Variants in SLC25A26 observed in about 807,000 individuals in gnomAD.
The protein encoded by SLC25A26 is mitochondrial S-adenosylmethionine carrier protein.
In SLC25A26, 36 loss-of-function variants were observed where a neutral mutation model predicts 37.8. That is an observed-to-expected ratio of 0.95 (90% CI 0.73 to 1.26). SLC25A26 has a LOEUF of 1.26. SLC25A26 is among the 50% of genes most tolerant of loss of function. The pLI is 0.00. For missense variants in SLC25A26, 390 were observed against 331.1 expected, an observed-to-expected ratio of 1.18 and a Z score of -1.38; for synonymous variants, 129 against 122.5, an observed-to-expected ratio of 1.05 and a Z score of -0.35.
upstream of SLC25A26, among the ~76,000 whole-genome samples, chr3:66,218,239 T>G (rs1243223568): frequency 6.6e-6 from 1 of 152,238 alleles, no homozygotes; most frequent in African/African-American, 2.4e-5. Flanking sequence ...TACCACCAGT[T>G]GATAGACATT....
At chr3:66,307,082 A>C (rs946403469) in intron 5 of SLC25A26, among the ~76,000 whole-genome samples, 1 of 152,158 alleles carries the variant, frequency 6.6e-6, no homozygotes, top group Non-Finnish European at 1.5e-5. Context: ...GAATTGCTGC[A>C]CTGTCTTCCA....
chr3:66,163,019 C>G (rs2070381108), intron 1 of SLC25A26, among the ~76,000 whole-genome samples: 1 of 152,178 alleles, frequency 6.6e-6, no homozygotes, highest in South Asian at 2.1e-4. Context: ...AGGAAATCAG[C>G]CTCCTTTCTG....
At chr3:66,217,294 G>C (rs1241910393), upstream of SLC25A26, among the ~76,000 whole-genome samples, 1 of 152,164 alleles carries the variant, frequency 6.6e-6, no homozygotes, top group Non-Finnish European at 1.5e-5. Context: ...AACATTAGTA[G>C]CTAGAAATAA....
chr3:66,311,410 T>G (rs2075373598), intron 5 of SLC25A26, among the ~76,000 whole-genome samples: 2 of 152,124 alleles, frequency 1.3e-5, no homozygotes, highest in Non-Finnish European at 2.9e-5. Flanking sequence ...ATCAAGGTTC[T>G]TAGCTTGCTT....
At chr3:66,358,031 C>T (rs2076616308) in intron 6 of SLC25A26, among the ~76,000 whole-genome samples, 1 of 152,068 alleles carries the variant, frequency 6.6e-6, no homozygotes, top group Non-Finnish European at 1.5e-5. Context: ...CAGTAAATCC[C>T]AACTAATATT....
chr3:66,309,575 T>C (rs1354334170), intron 5 of SLC25A26, among the ~76,000 whole-genome samples: 5 of 152,198 alleles, frequency 3.3e-5, no homozygotes, highest in Non-Finnish European at 7.3e-5. Flanking sequence ...CTTACTTCTC[T>C]AGTTCTTTTA....
intron 5 of SLC25A26, among the ~76,000 whole-genome samples, chr3:66,307,162 A>T (rs994856355): frequency 1.3e-5 from 2 of 152,188 alleles, no homozygotes; most frequent in African/African-American, 4.8e-5. Flanking sequence ...CCTCTCCAGC[A>T]TCTGTTGTTT....
chr3:66,296,966 C>G (rs760754416), intron 5 of SLC25A26, among the ~76,000 whole-genome samples: 1 of 152,178 alleles, frequency 6.6e-6, no homozygotes, highest in Non-Finnish European at 1.5e-5. Flanking sequence ...AGCCATGTGA[C>G]AAGAGTCCAG....
intron 6 of SLC25A26, among the ~76,000 whole-genome samples, chr3:66,352,153 G>C (rs934991558): frequency 2.6e-4 from 39 of 152,148 alleles, no homozygotes; most frequent in Non-Finnish European, 1.0e-4. Flanking sequence ...GGAGGCTGAG[G>C]TGGGAGACTT....
intron 1 of SLC25A26, among the ~76,000 whole-genome samples, chr3:66,169,923 G>A (rs2070472330): frequency 6.6e-6 from 1 of 152,142 alleles, no homozygotes; most frequent in African/African-American, 2.4e-5. Flanking sequence ...ATATTTTTCT[G>A]GGGAGAAGAG....
chr3:66,330,824 G>C (rs1383772598), intron 5 of SLC25A26, among the ~76,000 whole-genome samples: 3 of 151,988 alleles, frequency 2.0e-5, no homozygotes, highest in Non-Finnish European at 4.4e-5. Flanking sequence ...AAATTCTTTT[G>C]ATACTGGAAG....
chr3:66,266,494 C>T (rs992737679), intron 5 of SLC25A26, among the ~76,000 whole-genome samples: 1 of 151,442 alleles, frequency 6.6e-6, no homozygotes, highest in Admixed American at 6.6e-5. Flanking sequence ...CTAGCAGTTG[C>T]CCATTAGAAT....
chr3:66,370,505 G>A lies in SLC25A26; in HGVS notation c.634-24G>A, dbSNP rs755147479. Reference sequence around the variant, plus strand: ...GATTGGGAGCTTCAGAAGATAACGGGTTTCTCTTTGTCTGTTCACACAGGC... The same window carrying A: ...GATTGGGAGCTTCAGAAGATAACGGATTTCTCTTTGTCTGTTCACACAGGC... On this transcript the variant is annotated intron_variant, in intron 8 of 9. Transcript: ENST00000354883. 1.9e-6 allele frequency: 3 copies of A among 1,600,754 alleles called. No homozygotes were observed. In the East Asian group the frequency reaches 6.7e-5, roughly 36 times the overall value.
chr3:66,350,284 A>G (rs190947750), intron 6 of SLC25A26, among the ~76,000 whole-genome samples: 63 of 152,278 alleles, frequency 4.1e-4, no homozygotes, highest in African/African-American at 1.4e-3. Flanking sequence ...AACTCTGTCT[A>G]AAAGTCATCA....
intron 5 of SLC25A26, among the ~76,000 whole-genome samples, chr3:66,327,635 A>G (rs1475596739): frequency 6.6e-6 from 1 of 151,970 alleles, no homozygotes; most frequent in East Asian, 1.9e-4. Context: ...TTTTTTTTTC[A>G]TGATTCATTT....
intron 5 of SLC25A26, among the ~76,000 whole-genome samples, chr3:66,315,035 CTATTTT>C (rs1467291896): frequency 7.0e-6 from 1 of 142,108 alleles, no homozygotes; most frequent in Non-Finnish European, 1.5e-5. Flanking sequence ...AGTTAGTAGT[CTATTTT>C]TATTAATATT....
intron 5 of SLC25A26, among the ~76,000 whole-genome samples, chr3:66,311,793 C>T (rs2075385330): frequency 6.6e-6 from 1 of 152,096 alleles, no homozygotes; most frequent in African/African-American, 2.4e-5. Context: ...CATTTCAGAC[C>T]CTGTGTGCCT....
In SLC25A26 at chr3:66,208,863, G is replaced by GGT. The variant is rs1398179475; in HGVS notation, c.-353-11872_-353-11871dup. Among the ~76,000 whole-genome samples the GGT allele has an allele frequency of 6.4e-3, 84 of 13,178 alleles. 2 individuals are homozygous for GGT. The highest frequency in any genetic ancestry group is 0.051 in the South Asian group (6 of 118). The allele number at this position is 13,178 out of a possible 152,430, so 8.6% of individuals were successfully genotyped here. A position where few individuals can be genotyped will look rare whatever the true frequency, so the allele number is the denominator to read the frequency against. On this transcript the variant is annotated intron_variant, in intron 1 of 10. Transcript: ENST00000676754. ...ACATATATATATATACCTTTATATG[G>GGT]GTGTGTGTATATATATATATATACA...
At chr3:66,188,437 G>T (rs1046474870) in intron 1 of SLC25A26, among the ~76,000 whole-genome samples, 8 of 152,084 alleles carry the variant, frequency 5.3e-5, no homozygotes, top group Non-Finnish European at 8.8e-5. Context: ...GTATGCAGAG[G>T]GAAGGAGGGG....
Sources: gnomAD v4.1 joint callset for allele counts (sites outside exome capture counted in the v4.1 genomes callset) on GRCh38, gnomAD v4.1.1 for gene constraint, MANE v1.5 for transcripts, NCBI Gene and HGNC (gene_info 2026-07-23, HGNC 2026-07-21) for gene names.